POLN: variants seen among roughly 807,000 people sequenced by gnomAD.
The protein encoded by POLN is DNA polymerase N.
A neutral mutation model predicts 113.5 loss-of-function variants in POLN; 108 were observed. The observed-to-expected ratio is 0.95, with a 90% CI of 0.81 to 1.12. POLN has a LOEUF of 1.12. Ranked by LOEUF, POLN falls within the 50% of genes most tolerant of loss-of-function variation. The pLI, the probability that POLN is intolerant of heterozygous loss-of-function variation, is 0.00. For missense variants in POLN, 1,097 were observed against 1,077.1 expected, an observed-to-expected ratio of 1.02 and a Z score of -0.26; for synonymous variants, 386 against 391.5, an observed-to-expected ratio of 0.99 and a Z score of 0.17.
At chr4:2,216,885 GC>G (rs1734125780) in intron 3 of POLN, among the ~76,000 whole-genome samples, 1 of 152,174 alleles carries the variant, frequency 6.6e-6, no homozygotes, top group South Asian at 2.1e-4. Flanking sequence ...GTGAGGGGGA[GC>G]CCCATGCTAT....
At chr4:2,177,998 A>G (rs1470524502) in intron 8 of POLN, among the ~76,000 whole-genome samples, 1 of 152,152 alleles carries the variant, frequency 6.6e-6, no homozygotes, top group Non-Finnish European at 1.5e-5. Flanking sequence ...TCTGTGGGCT[A>G]CCCCATATCC....
chr4:2,169,918 G>C lies in POLN; in HGVS notation c.1554+761C>G, dbSNP rs901245321. 7.2e-5 allele frequency among the ~76,000 whole-genome samples: 11 copies of C among 152,338 alleles called. 4 individuals carry two copies. Among genetic ancestry groups the C allele is most frequent in the Admixed American group, 6.5e-5 (1 of 15,302 alleles). On this transcript the variant is annotated intron_variant, in intron 13 of 25. Coordinates refer to ENST00000511885, the MANE Select transcript of POLN (RefSeq NM_181808.4). ...GTAACTGTCCATTAAACCAGCAAAGGCCAAGTGCAGGCACAGTCAACGAGC... is the reference window on the plus strand; with the variant it reads ...GTAACTGTCCATTAAACCAGCAAAGCCCAAGTGCAGGCACAGTCAACGAGC...
At chr4:2,140,324 G>A (rs1731967755) in intron 16 of POLN, among the ~76,000 whole-genome samples, 2 of 152,216 alleles carry the variant, frequency 1.3e-5, no homozygotes, top group South Asian at 2.1e-4. Context: ...TGATCCACCC[G>A]CCTCAGCCTC....
At chr4:2,182,397 A>G (rs909744426) in intron 7 of POLN, among the ~76,000 whole-genome samples, 1 of 152,206 alleles carries the variant, frequency 6.6e-6, no homozygotes, top group Non-Finnish European at 1.5e-5. Context: ...AAAAGGCCAC[A>G]TGAGGATGGA....
In POLN at chr4:2,179,307, C is replaced by T. The variant is rs565196459; in HGVS notation, c.1179+1G>A. On this transcript the variant is annotated splice_donor_variant, in intron 8 of 25. Coordinates refer to ENST00000511885, the MANE Select transcript of POLN (RefSeq NM_181808.4). LOFTEE classifies it high-confidence loss of function. ...ATAAAACTTTATCTTAAACAACTCA[C>T]CACAATATTTCTTGAGGAATTTCCA... 9.9e-5 allele frequency: 159 copies of T among 1,610,566 alleles called. No individual in the cohort carries two copies. The highest frequency in any genetic ancestry group is 1.3e-4 in the Non-Finnish European group (156 of 1,178,332).
At chr4:2,138,262 G>A (rs1577716484) in intron 16 of POLN, among the ~76,000 whole-genome samples, 1 of 152,240 alleles carries the variant, frequency 6.6e-6, no homozygotes, top group South Asian at 2.1e-4. Flanking sequence ...GGAGAAGCAG[G>A]TGGGGTCAGA....
At chr4:2,187,953 T>G (rs1733320865) in intron 7 of POLN, among the ~76,000 whole-genome samples, 2 of 151,814 alleles carry the variant, frequency 1.3e-5, no homozygotes, top group African/African-American at 4.8e-5. Context: ...CTCTACAAAA[T>G]AAAAATAAAA....
At chr4:2,120,091 C>CT (rs1731404850) in intron 19 of POLN, among the ~76,000 whole-genome samples, 2 of 152,150 alleles carry the variant, frequency 1.3e-5, no homozygotes, top group Admixed American at 6.6e-5. Flanking sequence ...TCTGGTTTCT[C>CT]TTTTCTGTTC....
At chr4:2,161,126 C>T (rs1221431334) in intron 13 of POLN, among the ~76,000 whole-genome samples, 1 of 152,242 alleles carries the variant, frequency 6.6e-6, no homozygotes, top group Non-Finnish European at 1.5e-5. Context: ...CACAGCCCTC[C>T]CTCGCTCTCG....
In POLN at chr4:2,179,766, T is replaced by G. The variant is rs78870298; in HGVS notation, c.1022-301A>C. 2.4e-4 allele frequency among the ~76,000 whole-genome samples: 36 copies of G among 152,248 alleles called. No homozygotes were observed. In the East Asian group the frequency reaches 6.4e-3, roughly 27 times the overall value. On this transcript the variant is annotated intron_variant, in intron 7 of 25. Transcript: ENST00000511885. ...TTGCAATTTGGATCTCTCAAAAACATGTTAAAAGCTGTCGAAGTCAGAGTC... is the reference window on the plus strand; with the variant it reads ...TTGCAATTTGGATCTCTCAAAAACAGGTTAAAAGCTGTCGAAGTCAGAGTC...
intron 3 of POLN, among the ~76,000 whole-genome samples, chr4:2,225,750 C>G (rs1734369536): frequency 6.6e-6 from 1 of 151,878 alleles, no homozygotes. Context: ...TCTGTAATCC[C>G]AGCACTTTCA....
intron 3 of POLN, chr4:2,227,571 G>C (rs1183152466): frequency 6.6e-6 from 1 of 152,100 alleles, no homozygotes; most frequent in Non-Finnish European, 1.5e-5. Context: ...GAGAAAAGTA[G>C]TATCATATCT....
At chr4:2,143,825 C>G (rs1732065296) in intron 16 of POLN, among the ~76,000 whole-genome samples, 1 of 152,166 alleles carries the variant, frequency 6.6e-6, no homozygotes, top group South Asian at 2.1e-4. Context: ...TATGATCCAA[C>G]AGTTGACTTG....
chr4:2,204,516 G>A (rs1053149114), intron 5 of POLN, among the ~76,000 whole-genome samples: 1 of 152,160 alleles, frequency 6.6e-6, no homozygotes, highest in Admixed American at 6.5e-5. Flanking sequence ...GACATTCAAA[G>A]AAGAATCAGT....
chr4:2,127,612 G>A lies in POLN; in HGVS notation c.1982+501C>T, dbSNP rs35248377. Among the ~76,000 whole-genome samples the A allele has an allele frequency of 5.8e-4, 89 of 152,282 alleles. No homozygotes were observed. Among genetic ancestry groups the A allele is most frequent in the Non-Finnish European group, 1.0e-3 (71 of 68,018 alleles). On this transcript the variant is annotated intron_variant, in intron 19 of 25. Coordinates refer to ENST00000511885, the MANE Select transcript of POLN (RefSeq NM_181808.4). The surrounding 1 kb of genome is among the most constrained non-coding windows in gnomAD (Gnocchi z 4.7). ...TCCTGAGAATATGATGAAAAAGGAC[G>A]GGCCTGGGACGACACTGCCAAGCTG...
rs181272700 is a variant in POLN, at chr4:2,088,944, C to T, written c.2066-3200G>A. 7.9e-5 allele frequency: 79 copies of T among 1,002,040 alleles called. 2 individuals are homozygous for T. The East Asian group carries it at 1.1e-3, about 14-fold the overall frequency. 62.1% of individuals were successfully genotyped at this position (1,002,040 alleles called of 1,614,324 possible). On this transcript the variant is annotated intron_variant, in intron 20 of 25. Coordinates refer to ENST00000511885, the MANE Select transcript of POLN (RefSeq NM_181808.4). ...GCAAAAGCTGAAGGTCTAGCAGCAACGGCCTTGGTCCGAGACAGAGAAAAA... is the reference window on the plus strand; with the variant it reads ...GCAAAAGCTGAAGGTCTAGCAGCAATGGCCTTGGTCCGAGACAGAGAAAAA...
intron 19 of POLN, among the ~76,000 whole-genome samples, chr4:2,121,866 C>T (rs1731452795): frequency 6.6e-6 from 1 of 151,404 alleles, no homozygotes; most frequent in African/African-American, 2.4e-5. Flanking sequence ...TACTTCATTC[C>T]TTCTGCTTGC....
At chr4:2,102,683 C>T (rs1730957612) in intron 19 of POLN, among the ~76,000 whole-genome samples, 1 of 152,268 alleles carries the variant, frequency 6.6e-6, no homozygotes, top group African/African-American at 2.4e-5. Flanking sequence ...ATGCTTAGCC[C>T]ACTAAGAGAG....
chr4:2,150,411 G>A (rs1036779123), intron 16 of POLN, among the ~76,000 whole-genome samples: 1 of 152,088 alleles, frequency 6.6e-6, no homozygotes, highest in Non-Finnish European at 1.5e-5. Flanking sequence ...TCCCCAGATT[G>A]AGTTCTCGAT....
Sources: gnomAD v4.1 joint callset for allele counts (sites outside exome capture counted in the v4.1 genomes callset) on GRCh38, gnomAD v4.1.1 for gene constraint, Gnocchi (gnomAD v3.1) non-coding constraint, MANE v1.5 for transcripts, NCBI Gene and HGNC (gene_info 2026-07-23, HGNC 2026-07-21) for gene names.